The following ADRA1A variants were observed in gnomAD, a reference collection of about 807,000 sequenced individuals.
ADRA1A encodes alpha-1A adrenergic receptor.
A neutral mutation model predicts 29.6 loss-of-function variants in ADRA1A; 31 were observed. The ratio of observed to expected loss-of-function variants is 1.05; its 90% CI spans 0.79 to 1.41. The LOEUF is 1.41. Ranked by LOEUF, ADRA1A falls within the 40% of genes most tolerant of loss-of-function variation. The pLI is 0.00. For missense variants in ADRA1A, 619 were observed against 601.1 expected (o/e 1.03, Z -0.31); for synonymous variants, 311 against 254.3 (o/e 1.22, Z -2.12).
chr8:26,846,307 C>T (rs548006505), intron 2 of ADRA1A, among the ~76,000 whole-genome samples: 1 of 152,296 alleles, frequency 6.6e-6, no homozygotes, highest in South Asian at 2.1e-4. Context: ...TTCAGGAATT[C>T]CTGTAGCATA....
intron 2 of ADRA1A, among the ~76,000 whole-genome samples, chr8:26,800,487 C>G (rs1312519827): frequency 6.6e-6 from 1 of 152,034 alleles, no homozygotes; most frequent in Non-Finnish European, 1.5e-5. Context: ...GCCAAAATGA[C>G]CATCCTTGAA....
At position 26,770,656 on chromosome 8, in the gene ADRA1A, G is replaced by A; in HGVS notation, c.894C>T (p.Phe298=). Residue 298 remains phenylalanine (F), a synonymous_variant, in exon 3 of 3, where the codon TTC becomes TTT. Transcript: ENST00000380573. ...CTGTTTCAGAGGGCTTGAAATCAGG[G>A]AAGAAAGACCCTGGAAGAAAACACA... The part of the protein sequence containing the change: ...FFLVMPIGSF[F]PDFKPSETVF... 2 of 1,609,826 alleles carry A rather than the reference G, an allele frequency of 1.2e-6. No homozygotes were observed. The highest frequency in any genetic ancestry group is 1.7e-6 in the Non-Finnish European group (2 of 1,177,754).
intron 2 of ADRA1A, among the ~76,000 whole-genome samples, chr8:26,851,194 GTTT>G (rs1812602898): frequency 6.6e-6 from 1 of 152,178 alleles, no homozygotes; most frequent in Admixed American, 6.5e-5. Context: ...AAAGATAGAG[GTTT>G]TAAAGAGAAG....
intron 2 of ADRA1A, among the ~76,000 whole-genome samples, chr8:26,795,912 G>T (rs917726426): frequency 2.0e-5 from 3 of 152,024 alleles, no homozygotes; most frequent in African/African-American, 7.2e-5. Flanking sequence ...AATAAACTTA[G>T]ACTTATAAAC....
At chr8:26,853,400 A>AGAAT (rs1310906277) in intron 2 of ADRA1A, among the ~76,000 whole-genome samples, 1 of 152,230 alleles carries the variant, frequency 6.6e-6, no homozygotes, top group African/African-American at 2.4e-5. Flanking sequence ...TTTTCTTGGC[A>AGAAT]GAATGAATGT....
At chr8:26,779,988 G>A (rs1293758894) in intron 2 of ADRA1A, among the ~76,000 whole-genome samples, 1 of 152,128 alleles carries the variant, frequency 6.6e-6, no homozygotes, top group Non-Finnish European at 1.5e-5. Context: ...AAAGGGAGGG[G>A]AGGCTTATCA....
chr8:26,798,962 T>G (rs1399558013), intron 2 of ADRA1A, among the ~76,000 whole-genome samples: 1 of 152,178 alleles, frequency 6.6e-6, no homozygotes, highest in Non-Finnish European at 1.5e-5. Context: ...GTATTTTGCT[T>G]TATTCCCATT....
At chr8:26,804,096 A>T (rs1808793309) in intron 2 of ADRA1A, among the ~76,000 whole-genome samples, 1 of 151,524 alleles carries the variant, frequency 6.6e-6, no homozygotes, top group African/African-American at 2.4e-5. Flanking sequence ...TAATTTTTAA[A>T]TTTTTTTTAG....
rs571722041 is a variant in ADRA1A, at chr8:26,769,937, C to T, written c.*212G>A. On this transcript the variant is annotated 3_prime_UTR_variant, in exon 3 of 3. Transcript: ENST00000380573. ...CATTAGCTGCAGGGAAATGCTGTTC[C>T]GTATCATTCTGAACTGGTTGGTTGT... The T allele has an allele frequency of 6.5e-5, 85 of 1,311,504 alleles. No homozygotes were observed. Among genetic ancestry groups the T allele is most frequent in the South Asian group, 8.6e-5 (3 of 34,948 alleles). 81.2% of individuals were successfully genotyped at this position (1,311,504 alleles called of 1,614,324 possible).
downstream of ADRA1A, among the ~76,000 whole-genome samples, chr8:26,753,108 C>A (rs1165510838): frequency 2.6e-5 from 4 of 152,096 alleles, no homozygotes; most frequent in African/African-American, 9.7e-5. Context: ...GGAGTGGGGC[C>A]GAAAGGGTAG....
chr8:26,817,775 C>T (rs565075478), intron 2 of ADRA1A, among the ~76,000 whole-genome samples: 1 of 152,250 alleles, frequency 6.6e-6, no homozygotes, highest in African/African-American at 2.4e-5. Context: ...GAGACCTTAT[C>T]TCAGGTAAAC....
At chr8:26,750,034 C>T (rs1223508464) in intron 2 of ADRA1A, among the ~76,000 whole-genome samples, 2 of 152,142 alleles carry the variant, frequency 1.3e-5, no homozygotes, top group Admixed American at 6.5e-5. Context: ...GTGGCTTATA[C>T]ACATCAGAAA....
chr8:26,852,742 C>T (rs916395847), intron 2 of ADRA1A, among the ~76,000 whole-genome samples: 5 of 152,072 alleles, frequency 3.3e-5, no homozygotes, highest in Admixed American at 2.0e-4. Flanking sequence ...CTTCAAGGAA[C>T]ACATAATTCT....
At chr8:26,797,442 A>T (rs1476703254) in intron 2 of ADRA1A, among the ~76,000 whole-genome samples, 1 of 151,920 alleles carries the variant, frequency 6.6e-6, no homozygotes, top group Non-Finnish European at 1.5e-5. Flanking sequence ...GACTATAGGC[A>T]TGAGCCACCA....
intron 2 of ADRA1A, among the ~76,000 whole-genome samples, chr8:26,826,660 G>T (rs980135095): frequency 9.9e-5 from 15 of 152,258 alleles, no homozygotes; most frequent in Admixed American, 2.0e-4. Context: ...CTATGCCCTT[G>T]GATCCAGCAT....
chr8:26,792,356 G>A (rs1401382563), intron 2 of ADRA1A, among the ~76,000 whole-genome samples: 1 of 151,636 alleles, frequency 6.6e-6, no homozygotes, highest in Non-Finnish European at 1.5e-5. Context: ...CTCATTTTTT[G>A]TATTTATCAA....
intron 2 of ADRA1A, among the ~76,000 whole-genome samples, chr8:26,845,209 A>G (rs1373521375): frequency 6.6e-6 from 1 of 152,238 alleles, no homozygotes; most frequent in Non-Finnish European, 1.5e-5. Context: ...TCTGGCATCC[A>G]GAATATATTA....
chr8:26,766,929 A>G (rs1255626901), downstream of ADRA1A, among the ~76,000 whole-genome samples: 3 of 152,110 alleles, frequency 2.0e-5, no homozygotes, highest in African/African-American at 7.2e-5. Context: ...ATTTTTGAAT[A>G]TTTTGGAGAG....
chr8:26,794,112 G>A (rs1496123), intron 2 of ADRA1A, among the ~76,000 whole-genome samples: 3,154 of 152,086 alleles, frequency 0.021, 101 homozygotes, highest in African/African-American at 0.069. Flanking sequence ...ATCAAGTAGG[G>A]CAGGAAGTGG....
Sources: allele counts gnomAD v4.1 joint callset (sites outside exome capture counted in the v4.1 genomes callset), GRCh38; gene constraint gnomAD v4.1.1; transcripts MANE v1.5; gene names NCBI Gene and HGNC (gene_info 2026-07-23, HGNC 2026-07-21).